The following EHD4 variants were observed in gnomAD, a reference collection of about 807,000 sequenced individuals.
EHD4 encodes EH domain containing 4, also known as EH domain-containing protein 4.
EHD4 carries 37 observed loss-of-function variants against 51.0 expected under a neutral mutation model. That is an observed-to-expected ratio of 0.73 (90% CI 0.56 to 0.95). EHD4 has a LOEUF of 0.95. EHD4 is among the 40% of genes least tolerant of loss of function. The pLI is 0.00. For synonymous variants in EHD4, 297 were observed against 317.3 expected (o/e 0.94, Z 0.68); for missense variants, 632 against 733.1 (o/e 0.86, Z 1.59).
chr15:41,905,183 T>G (rs920143586), intron 5 of EHD4, among the ~76,000 whole-genome samples: 1 of 152,130 alleles, frequency 6.6e-6, no homozygotes, highest in Non-Finnish European at 1.5e-5. Context: ...CCTCAAAGCT[T>G]CCGGTGACAG....
intron 3 of EHD4, among the ~76,000 whole-genome samples, chr15:41,933,065 A>G (rs930665014): frequency 6.6e-6 from 1 of 152,230 alleles, no homozygotes; most frequent in Non-Finnish European, 1.5e-5. Context: ...AAAAGCGGAA[A>G]GAGGCTCACA....
intron 3 of EHD4, among the ~76,000 whole-genome samples, chr15:41,938,988 G>A (rs2067748993): frequency 6.6e-6 from 1 of 152,174 alleles, no homozygotes; most frequent in Non-Finnish European, 1.5e-5. Context: ...TAGTATTCTA[G>A]GAAACAGTAT....
chr15:41,969,724 G>C (rs1436945019), intron 1 of EHD4, among the ~76,000 whole-genome samples: 1 of 152,150 alleles, frequency 6.6e-6, no homozygotes, highest in African/African-American at 2.4e-5. Context: ...TCCTCGGCTA[G>C]TACAGAGTCT....
intron 1 of EHD4, among the ~76,000 whole-genome samples, chr15:41,964,771 A>AT (rs202014521): frequency 0.03 from 3,072 of 103,250 alleles, 77 homozygotes; most frequent in East Asian, 0.093. Flanking sequence ...AAAAAAAAAA[A>AT]AATATATATA....
At chr15:41,939,507 G>A (rs1406538589) in intron 3 of EHD4, among the ~76,000 whole-genome samples, 1 of 151,778 alleles carries the variant, frequency 6.6e-6, no homozygotes, top group East Asian at 1.9e-4. Flanking sequence ...GACCAGTTTG[G>A]CCAATATGGT....
At chr15:41,932,192 C>T (rs910818822) in intron 3 of EHD4, among the ~76,000 whole-genome samples, 32 of 152,230 alleles carry the variant, frequency 2.1e-4, no homozygotes, top group Admixed American at 4.6e-4. Context: ...TGATGGACTG[C>T]GGGAGGCAGC....
At chr15:41,937,391 G>T (rs2067738998) in intron 3 of EHD4, among the ~76,000 whole-genome samples, 1 of 152,170 alleles carries the variant, frequency 6.6e-6, no homozygotes, top group African/African-American at 2.4e-5. Flanking sequence ...GCTAGGCAGA[G>T]GCTGTGGTAA....
At chr15:41,962,678 G>A (rs911341763) in intron 1 of EHD4, among the ~76,000 whole-genome samples, 2 of 152,132 alleles carry the variant, frequency 1.3e-5, no homozygotes, top group Admixed American at 6.5e-5. Context: ...GGGAGGCGGG[G>A]GGCAGCCCCC....
chr15:41,939,787 C>T (rs370288604), intron 3 of EHD4, among the ~76,000 whole-genome samples: 1,984 of 114,374 alleles, frequency 0.017, 44 homozygotes, highest in African/African-American at 0.066. Flanking sequence ...AGCAAGACTC[C>T]GTCTCAAAAA....
In EHD4 at chr15:41,919,555, G is replaced by A. The variant is rs200624712; in HGVS notation, c.579C>T (p.Asp193=). 7.2e-6 allele frequency: 11 copies of A among 1,529,266 alleles called. No individual in the cohort carries two copies. The highest frequency in any genetic ancestry group is 4.4e-5 in the Admixed American group (2 of 45,798). The allele number at this position is 1,529,266 out of a possible 1,614,324, so 94.7% of individuals were successfully genotyped here. Residue 193 remains aspartate (D), a synonymous_variant, in exon 4 of 6, where the codon GAC becomes GAT. Transcript: ENST00000220325. The stretch of plus-strand genomic sequence containing the variant: ...CATCTGAGATGTCCAGCTTGTGAGC[G>A]TCAAAGAGCAGGATGATCCTGTCCA... ...ERVDRIILLF[D]AHKLDISDEF...
At position 41,896,295 on chromosome 15, in the gene EHD4, C is replaced by T. The variant is rs556316708; in HGVS notation, c.*4350G>A. On this transcript the variant is annotated 3_prime_UTR_variant, in exon 6 of 6. Transcript: ENST00000220325. ...GGCTTCTGCCAGGCTGACCTCCCTC[C>T]CCTGACCCCAGCAGCTCTGGACACC... 6.6e-6 allele frequency: 1 copy of T among 152,424 alleles called. No homozygotes were observed. The highest frequency in any genetic ancestry group is 1.5e-5 in the Non-Finnish European group (1 of 68,104). The allele number at this position is 152,424 out of a possible 1,614,324, so 9.4% of individuals were successfully genotyped here. A position where few individuals can be genotyped will look rare whatever the true frequency, so the allele number is the denominator to read the frequency against.
At chr15:41,970,574 CT>C (rs1355403140) in intron 1 of EHD4, among the ~76,000 whole-genome samples, 1 of 152,232 alleles carries the variant, frequency 6.6e-6, no homozygotes, top group Admixed American at 6.5e-5. Flanking sequence ...TTGTATTCAT[CT>C]TCCTGGGAGT....
At chr15:41,955,845 C>T (rs1189792835) in intron 1 of EHD4, among the ~76,000 whole-genome samples, 1 of 152,134 alleles carries the variant, frequency 6.6e-6, no homozygotes, top group Non-Finnish European at 1.5e-5. Context: ...GTTTTACAGC[C>T]CCTCTGGGAT....
chr15:41,905,597 C>A (rs985769817), intron 5 of EHD4, among the ~76,000 whole-genome samples: 1 of 152,210 alleles, frequency 6.6e-6, no homozygotes, highest in African/African-American at 2.4e-5. Flanking sequence ...CATGGAAGCA[C>A]AACAGTGCTC....
intron 2 of EHD4, among the ~76,000 whole-genome samples, chr15:41,947,434 G>A (rs1030092734): frequency 5.3e-5 from 8 of 152,126 alleles, no homozygotes; most frequent in Admixed American, 3.3e-4. Context: ...CCAGGCCTGC[G>A]GACTTCCAGG....
At chr15:41,970,567 T>C (rs1282965672) in intron 1 of EHD4, among the ~76,000 whole-genome samples, 2 of 152,258 alleles carry the variant, frequency 1.3e-5, no homozygotes, top group African/African-American at 2.4e-5. Flanking sequence ...CTGTGAGTTG[T>C]ATTCATCTTC....
In EHD4 at chr15:41,919,237, G is replaced by T. The variant is rs1193418071; in HGVS notation, c.897C>A (p.Asp299Glu). The change falls in exon 4 of 6, where the codon GAC (aspartate) becomes GAA (glutamate). Residue 299 changes from aspartate to glutamate, a missense_variant. Transcript: ENST00000220325. ...TGGCCAGCCTCGCTCGCTTGATGAG[G>T]TCGTTGAGCTTGCGCACCGCTGCCT... Reference protein sequence around the residue: ...PQKAAVRKLNDLIKRARLAKV... With the variant: ...PQKAAVRKLNELIKRARLAKV... 1 of 1,614,086 alleles carries T rather than the reference G, an allele frequency of 6.2e-7. No homozygotes were observed. Among genetic ancestry groups the T allele is most frequent in the Admixed American group, 1.7e-5 (1 of 60,036 alleles).
In EHD4 at chr15:41,922,855, C is replaced by T. The variant is rs534617580; in HGVS notation, c.512-3233G>A. On this transcript the variant is annotated intron_variant, in intron 3 of 5. Coordinates refer to ENST00000220325, the MANE Select transcript of EHD4 (RefSeq NM_139265.4). ...GCAACAATGAGAGCTTAATATAGTTCGAGAAGTACAGGTAGGCAGAGCTGT... is the reference window on the plus strand; with the variant it reads ...GCAACAATGAGAGCTTAATATAGTTTGAGAAGTACAGGTAGGCAGAGCTGT... 5.1e-4 allele frequency among the ~76,000 whole-genome samples: 78 copies of T among 152,204 alleles called. No homozygotes were observed. In the South Asian group the frequency reaches 0.013, roughly 26 times the overall value.
intron 1 of EHD4, among the ~76,000 whole-genome samples, chr15:41,964,612 T>G (rs1240520814): frequency 1.3e-5 from 2 of 151,350 alleles, no homozygotes; most frequent in African/African-American, 4.9e-5. Flanking sequence ...TCTAAAACAC[T>G]TTTTTTTCCT....
Sources: allele counts gnomAD v4.1 joint callset (sites outside exome capture counted in the v4.1 genomes callset), GRCh38; gene constraint gnomAD v4.1.1; transcripts MANE v1.5; gene names NCBI Gene and HGNC (gene_info 2026-07-23, HGNC 2026-07-21).